The following ACBD6 variants were observed in gnomAD, a reference collection of about 807,000 sequenced individuals.
ACBD6 encodes the protein acyl-CoA-binding domain-containing protein 6.
ACBD6 carries 28 observed loss-of-function variants against 37.2 expected under a neutral mutation model. The observed-to-expected ratio is 0.75, with a 90% CI of 0.56 to 1.03. The LOEUF is 1.03. Ranked by LOEUF, ACBD6 falls within the 50% of genes least tolerant of loss-of-function variation. ACBD6 has a pLI of 0.00. For missense variants in ACBD6, 340 were observed against 337.4 expected (o/e 1.01, Z -0.06); for synonymous variants, 113 against 126.8 (o/e 0.89, Z 0.73).
At chr1:180,298,379 C>T (rs1432373041) in intron 7 of ACBD6, among the ~76,000 whole-genome samples, 1 of 152,144 alleles carries the variant, frequency 6.6e-6, no homozygotes, top group Non-Finnish European at 1.5e-5. Flanking sequence ...TGTCAGATCA[C>T]GCTTGGCTCA....
At chr1:180,321,287 T>C (rs1651060925) in intron 6 of ACBD6, among the ~76,000 whole-genome samples, 1 of 152,194 alleles carries the variant, frequency 6.6e-6, no homozygotes, top group South Asian at 2.1e-4. Flanking sequence ...CTTTTGTAGT[T>C]CCATATAAAT....
At chr1:180,462,795 A>T (rs993819098) in intron 3 of ACBD6, among the ~76,000 whole-genome samples, 10 of 152,198 alleles carry the variant, frequency 6.6e-5, no homozygotes, top group African/African-American at 2.4e-4. Context: ...TCAATGCTAC[A>T]TGGTACTGAC....
At chr1:180,435,704 G>T in intron 3 of ACBD6, 2 of 864,544 alleles carry the variant, frequency 2.3e-6, no homozygotes, top group Non-Finnish European at 4.0e-6. Context: ...GTTAGAGACC[G>T]CTGTCAATCT....
intron 3 of ACBD6, among the ~76,000 whole-genome samples, chr1:180,481,548 T>A (rs1651043161): frequency 6.6e-6 from 1 of 152,258 alleles, no homozygotes; most frequent in South Asian, 2.1e-4. Flanking sequence ...TCAGCAACAC[T>A]GTTAGTCTTT....
intron 4 of ACBD6, among the ~76,000 whole-genome samples, chr1:180,422,985 T>C (rs1476885380): frequency 1.3e-5 from 2 of 152,208 alleles, no homozygotes; most frequent in African/African-American, 4.8e-5. Flanking sequence ...TACATTTTTC[T>C]GGATTGAGAA....
intron 3 of ACBD6, among the ~76,000 whole-genome samples, chr1:180,458,988 G>GT (rs1650023635): frequency 6.6e-6 from 1 of 151,936 alleles, no homozygotes; most frequent in Non-Finnish European, 1.5e-5. Context: ...TTATTAGAAA[G>GT]TTTTATTAGA....
chr1:180,406,654 T>G (rs1245858729), intron 5 of ACBD6, among the ~76,000 whole-genome samples: 2 of 152,152 alleles, frequency 1.3e-5, no homozygotes, highest in African/African-American at 4.8e-5. Flanking sequence ...GGAATACAAA[T>G]GTAGCTTACT....
At chr1:180,284,586 TC>T (rs1158611924), downstream of ACBD6, among the ~76,000 whole-genome samples, 1 of 151,902 alleles carries the variant, frequency 6.6e-6, no homozygotes, top group Non-Finnish European at 1.5e-5. Context: ...GCCAGGCTGG[TC>T]TCAAGCTCCT....
At chr1:180,344,538 A>C (rs1486357529) in intron 6 of ACBD6, among the ~76,000 whole-genome samples, 1 of 152,272 alleles carries the variant, frequency 6.6e-6, no homozygotes. Context: ...AAGAACACTT[A>C]TCTAGAATGT....
At chr1:180,309,788 C>T (rs1243075272) in intron 7 of ACBD6, among the ~76,000 whole-genome samples, 1 of 152,064 alleles carries the variant, frequency 6.6e-6, no homozygotes, top group East Asian at 1.9e-4. Flanking sequence ...TTTTGACTCT[C>T]CGGTTATTTG....
At chr1:180,488,079 G>A (rs898916029) in intron 3 of ACBD6, among the ~76,000 whole-genome samples, 1 of 151,340 alleles carries the variant, frequency 6.6e-6, no homozygotes, top group Non-Finnish European at 1.5e-5. Flanking sequence ...CAAACAATTC[G>A]GAAAAAATGT....
intron 6 of ACBD6, among the ~76,000 whole-genome samples, chr1:180,333,927 C>G (rs1651590181): frequency 6.6e-6 from 1 of 152,218 alleles, no homozygotes. Flanking sequence ...GCTAGCACAG[C>G]AGTCTGAGAT....
chr1:180,451,737 GA>G (rs1343776190), intron 3 of ACBD6, among the ~76,000 whole-genome samples: 4 of 152,160 alleles, frequency 2.6e-5, no homozygotes, highest in Non-Finnish European at 5.9e-5. Context: ...CTGAAACTAA[GA>G]GCTAAAGGGT....
At chr1:180,319,327 T>C (rs1650960819) in intron 6 of ACBD6, among the ~76,000 whole-genome samples, 2 of 152,220 alleles carry the variant, frequency 1.3e-5, no homozygotes, top group African/African-American at 2.4e-5. Flanking sequence ...TACTTTAATT[T>C]TTCCTCACTG....
chr1:180,496,711 T>C (rs1445696593), intron 1 of ACBD6, among the ~76,000 whole-genome samples: 3 of 152,236 alleles, frequency 2.0e-5, no homozygotes, highest in East Asian at 1.9e-4. Context: ...TAGCGATTAA[T>C]TGCATGGCCC....
At chr1:180,410,039 T>TA (rs1480268005) in intron 5 of ACBD6, among the ~76,000 whole-genome samples, 1 of 152,242 alleles carries the variant, frequency 6.6e-6, no homozygotes, top group Non-Finnish European at 1.5e-5. Flanking sequence ...TTATTGCTGA[T>TA]ATGGAAAAAG....
At chr1:180,346,785 C>T (rs113022542) in intron 6 of ACBD6, among the ~76,000 whole-genome samples, 6,807 of 152,132 alleles carry the variant, frequency 0.045, 462 homozygotes, top group African/African-American at 0.14. Flanking sequence ...GCCTGTAATC[C>T]CAATACTTTG....
chr1:180,278,014 G>C (rs1408857718), intron 9 of ACBD6: 1 of 152,170 alleles, frequency 6.6e-6, no homozygotes, highest in East Asian at 1.9e-4. Context: ...TCAAACTGGT[G>C]ATTTCCAACT....
At chr1:180,287,812 T>C (rs1265472353), downstream of ACBD6, among the ~76,000 whole-genome samples, 3 of 152,272 alleles carry the variant, frequency 2.0e-5, no homozygotes, top group African/African-American at 7.2e-5. Flanking sequence ...CTAGTTGTTC[T>C]GACTTCTACA....
Sources: allele counts gnomAD v4.1 joint callset (sites outside exome capture counted in the v4.1 genomes callset), GRCh38; gene constraint gnomAD v4.1.1; transcripts MANE v1.5; gene names NCBI Gene and HGNC (gene_info 2026-07-23, HGNC 2026-07-21).